GAS2: variants seen among roughly 807,000 people sequenced by gnomAD.
The protein encoded by GAS2 is growth arrest specific 2.
A neutral mutation model predicts 37.5 loss-of-function variants in GAS2; 20 were observed. The observed-to-expected ratio is 0.53, with a 90% CI of 0.37 to 0.77. The LOEUF (loss-of-function observed/expected upper bound fraction) is 0.77, where lower values mean the gene tolerates loss of function less well. GAS2 is among the 30% of genes least tolerant of loss of function. GAS2 has a pLI of 0.00. For missense variants in GAS2, 336 were observed against 373.4 expected (o/e 0.90, Z 0.82); for synonymous variants, 144 against 132.2 (o/e 1.09, Z -0.61).
At chr11:22,682,869 T>TAAAAAAAAAAAAAAAAAAAAGAAAAAAA in intron 2 of GAS2, among the ~76,000 whole-genome samples, 1 of 78,944 alleles carries the variant, frequency 1.3e-5, no homozygotes, top group Non-Finnish European at 2.1e-5. Context: ...CACTTTCTGC[T>TAAAAAAAAAAAAAAAAAAAAGAAAAAAA]AAAAAAAAAA....
At chr11:22,682,442 A>G (rs1038183174) in intron 2 of GAS2, among the ~76,000 whole-genome samples, 3 of 152,206 alleles carry the variant, frequency 2.0e-5, no homozygotes, top group African/African-American at 7.2e-5. Context: ...AAAATCTTGC[A>G]AATAATTTGT....
At chr11:22,637,713 C>A (rs1858855432) in intron 1 of GAS2, among the ~76,000 whole-genome samples, 3 of 134,392 alleles carry the variant, frequency 2.2e-5, no homozygotes, top group Admixed American at 7.8e-5. Flanking sequence ...AATATATAAT[C>A]ATGTATTTAT....
intron 7 of GAS2, among the ~76,000 whole-genome samples, chr11:22,794,672 A>G (rs1223508534): frequency 6.6e-6 from 1 of 152,120 alleles, no homozygotes; most frequent in East Asian, 1.9e-4. Flanking sequence ...CCTTTTTGCA[A>G]TAATTTCAAT....
chr11:22,692,167 G>C (rs337477), intron 3 of GAS2, among the ~76,000 whole-genome samples: 33,750 of 151,938 alleles, frequency 0.22, 4,073 homozygotes, highest in East Asian at 0.36. Context: ...TGGGGGTGGG[G>C]GAGCGGAAAG....
At chr11:22,646,858 AT>A in intron 1 of GAS2, among the ~76,000 whole-genome samples, 1 of 144,486 alleles carries the variant, frequency 6.9e-6, no homozygotes, top group East Asian at 2.0e-4. Flanking sequence ...TTTTCTTCTC[AT>A]TTGTGCTTGC....
intron 5 of GAS2, among the ~76,000 whole-genome samples, chr11:22,742,007 A>C (rs1222710709): frequency 2.6e-5 from 4 of 152,096 alleles, no homozygotes; most frequent in Admixed American, 6.5e-5. Flanking sequence ...TTGGGGTCTT[A>C]GTAATTTTAC....
At chr11:22,800,943 T>C (rs377459021) in intron 7 of GAS2, among the ~76,000 whole-genome samples, 4 of 142,236 alleles carry the variant, frequency 2.8e-5, no homozygotes, top group African/African-American at 8.7e-5. Flanking sequence ...ACATTACCAA[T>C]AAATGCATAT....
chr11:22,737,669 T>G, intron 4 of GAS2, 36 bp from the exon 5 acceptor site: 1 of 1,603,682 alleles, frequency 6.2e-7, no homozygotes, highest in South Asian at 1.1e-5. Flanking sequence ...TTATTCCTTC[T>G]ATTGTAAAGG....
At chr11:22,788,017 C>T (rs964613414) in intron 7 of GAS2, among the ~76,000 whole-genome samples, 1 of 152,106 alleles carries the variant, frequency 6.6e-6, no homozygotes, top group South Asian at 2.1e-4. Context: ...TGAAAGGTGT[C>T]GGAGTGCCTC....
intron 4 of GAS2, among the ~76,000 whole-genome samples, chr11:22,727,252 A>C (rs1034950914): frequency 6.6e-6 from 1 of 152,088 alleles, no homozygotes; most frequent in African/African-American, 2.4e-5. Flanking sequence ...CAAATTGAGA[A>C]AGGAGACATC....
chr11:22,715,751 C>T lies in GAS2; in HGVS notation c.268-10541C>T, dbSNP rs190880625. ...AGTTCAGGACCAGGAAGATTTGTAG[C>T]TGAATTTTATCAGACATTCAAAGAA... On this transcript the variant is annotated intron_variant, in intron 3 of 7. Transcript: ENST00000454584. 2.0e-5 allele frequency among the ~76,000 whole-genome samples: 3 copies of T among 152,130 alleles called. No homozygotes were observed. The East Asian group carries it at 5.8e-4, about 29-fold the overall frequency.
At chr11:22,809,130 A>G (rs111684277) in intron 7 of GAS2, among the ~76,000 whole-genome samples, 23 of 152,302 alleles carry the variant, frequency 1.5e-4, no homozygotes, top group African/African-American at 5.1e-4. Context: ...TGGTACTGTG[A>G]CCGAAACACC....
chr11:22,733,589 C>T (rs1031226205), intron 4 of GAS2, among the ~76,000 whole-genome samples: 1 of 151,600 alleles, frequency 6.6e-6, no homozygotes, highest in Non-Finnish European at 1.5e-5. Flanking sequence ...AAATTCTACC[C>T]TCTTGCTTTA....
intron 1 of GAS2, among the ~76,000 whole-genome samples, chr11:22,652,753 T>C (rs953303767): frequency 6.6e-6 from 1 of 152,240 alleles, no homozygotes; most frequent in African/African-American, 2.4e-5. Flanking sequence ...GCTTCCCCAG[T>C]GAGGCAATGC....
chr11:22,801,027 A>G (rs1856639244), intron 7 of GAS2, among the ~76,000 whole-genome samples: 1 of 152,016 alleles, frequency 6.6e-6, no homozygotes, highest in African/African-American at 2.4e-5. Flanking sequence ...ATCTACATGA[A>G]TGTAGACTTT....
intron 7 of GAS2, among the ~76,000 whole-genome samples, chr11:22,769,205 C>T (rs779426047): frequency 5.3e-5 from 8 of 152,172 alleles, no homozygotes; most frequent in Non-Finnish European, 8.8e-5. Context: ...CAAAACTCCC[C>T]TCCCAGGGTG....
At chr11:22,713,625 C>T (rs11493189) in intron 3 of GAS2, among the ~76,000 whole-genome samples, 78,210 of 151,900 alleles carry the variant, frequency 0.51, 23,291 homozygotes, top group Non-Finnish European at 0.66. Context: ...ATCAGGTAGC[C>T]TGTAAAATAA....
chr11:22,692,903 G>A (rs1360977235), intron 3 of GAS2, among the ~76,000 whole-genome samples: 2 of 152,042 alleles, frequency 1.3e-5, no homozygotes, highest in Admixed American at 6.6e-5. Context: ...GAACAAGCGA[G>A]GAACATTTGT....
At chr11:22,663,595 T>C (rs182829650), upstream of GAS2, among the ~76,000 whole-genome samples, 174 of 152,298 alleles carry the variant, frequency 1.1e-3, no homozygotes, top group Admixed American at 2.9e-3. Flanking sequence ...ACTGTTGTGT[T>C]GTACTTAAAA....
Sources: allele counts gnomAD v4.1 joint callset (sites outside exome capture counted in the v4.1 genomes callset), GRCh38; gene constraint gnomAD v4.1.1; transcripts MANE v1.5; gene names NCBI Gene and HGNC (gene_info 2026-07-23, HGNC 2026-07-21).